GRIK4: variants seen among roughly 807,000 people sequenced by gnomAD.
GRIK4 encodes glutamate ionotropic receptor kainate type subunit 4, also known as glutamate receptor ionotropic, kainate 4.
Under a neutral mutation model 104.9 loss-of-function variants are expected in GRIK4, and 40 were observed. The ratio of observed to expected loss-of-function variants is 0.38; its 90% CI spans 0.30 to 0.50. The LOEUF (loss-of-function observed/expected upper bound fraction) is 0.50. GRIK4 is among the 20% of genes least tolerant of loss of function. The pLI is 0.93. For synonymous variants in GRIK4, 485 were observed against 524.9 expected, an observed-to-expected ratio of 0.92 and a Z score of 1.04; for missense variants, 1,047 against 1,308.1, an observed-to-expected ratio of 0.80 and a Z score of 3.08.
rs150971598 is a variant in GRIK4, at chr11:120,624,393, C to T, written c.-158-29292C>T. The stretch of plus-strand genomic sequence containing the variant: ...CTCCCTGTAACCAGATGTAGAGGTC[C>T]TGGCCCCAAAGCTAGGCTCTAGCTG... On this transcript the variant is annotated intron_variant, in intron 1 of 20. Coordinates refer to ENST00000527524, the MANE Select transcript of GRIK4 (RefSeq NM_014619.5). Among the ~76,000 whole-genome samples the T allele has an allele frequency of 1.9e-3, 285 of 152,188 alleles. 2 individuals carry two copies. The South Asian group carries it at 0.028, about 15-fold the overall frequency.
At chr11:120,815,508 G>A in intron 5 of GRIK4, 33 bp downstream of exon 5, 1 of 1,294,360 alleles carries the variant, frequency 7.7e-7, no homozygotes, top group Non-Finnish European at 1.1e-6. Flanking sequence ...GAATATCTGT[G>A]TGCTGGAGCC....
chr11:120,591,094 A>G (rs1443474514), intron 1 of GRIK4, among the ~76,000 whole-genome samples: 1 of 152,098 alleles, frequency 6.6e-6, no homozygotes, highest in East Asian at 1.9e-4. Context: ...AAGTCACCAT[A>G]CTGCGCGATC....
intron 6 of GRIK4, among the ~76,000 whole-genome samples, chr11:120,829,202 T>C (rs963184299): frequency 6.6e-6 from 1 of 152,154 alleles, no homozygotes; most frequent in Admixed American, 6.5e-5. Context: ...AGGAGATAGC[T>C]GAGACTCCAG....
At chr11:120,966,490 G>A (rs1944385888) in intron 18 of GRIK4, among the ~76,000 whole-genome samples, 1 of 152,158 alleles carries the variant, frequency 6.6e-6, no homozygotes, top group Admixed American at 6.5e-5. Flanking sequence ...TTCTGTCTCA[G>A]CCTCCTGAGC....
intron 12 of GRIK4, among the ~76,000 whole-genome samples, chr11:120,900,777 T>C (rs182050191): frequency 2.0e-5 from 3 of 152,270 alleles, no homozygotes; most frequent in Admixed American, 2.0e-4. Context: ...GAGAGAGCAG[T>C]TCCAGCCCCC....
chr11:120,629,249 C>A (rs533624832), intron 1 of GRIK4, among the ~76,000 whole-genome samples: 1 of 152,238 alleles, frequency 6.6e-6, no homozygotes, highest in African/African-American at 2.4e-5. Flanking sequence ...CCTGTCTATA[C>A]CATGAAATAT....
chr11:120,609,541 T>G (rs2135144843), intron 1 of GRIK4, among the ~76,000 whole-genome samples: 1 of 75,716 alleles, frequency 1.3e-5, no homozygotes, highest in Non-Finnish European at 2.6e-5. Context: ...TTTTTTTTTT[T>G]TTTGAGACAG....
chr11:120,620,393 C>A, intron 1 of GRIK4: 1 of 545,458 alleles, frequency 1.8e-6, no homozygotes, highest in Non-Finnish European at 3.3e-6. Context: ...CCATGTACTG[C>A]CCCGTAGCTA....
At chr11:120,599,326 A>G (rs1948849180) in intron 1 of GRIK4, among the ~76,000 whole-genome samples, 2 of 152,158 alleles carry the variant, frequency 1.3e-5, no homozygotes, top group South Asian at 4.1e-4. Context: ...CCTGGAGTGC[A>G]TGTTTGGAGT....
chr11:120,952,941 C>T lies in GRIK4; in HGVS notation c.1677C>T (p.Ser559=). ...LFMLLAYLAV[S]CVLFLVARLT... The stretch of plus-strand genomic sequence containing the variant: ...TGCTTCTAGCCTATCTGGCCGTCAG[C>T]TGTGTCCTCTTCCTGGTGGCTCGGT... The change falls in exon 15 of 21, where the codon AGC becomes AGT. Residue 559 remains serine, a synonymous_variant. Coordinates refer to ENST00000527524, the MANE Select transcript of GRIK4 (RefSeq NM_014619.5). This position sits in a 1 kb window ranked among gnomAD's most constrained non-coding sequence, Gnocchi z 5.2. 6.2e-7 allele frequency: 1 copy of T among 1,612,728 alleles called. No homozygotes were observed. Among genetic ancestry groups the T allele is most frequent in the African/African-American group, 1.3e-5 (1 of 74,932 alleles).
intron 1 of GRIK4, among the ~76,000 whole-genome samples, chr11:120,553,473 G>A (rs1220876384): frequency 6.6e-6 from 1 of 152,208 alleles, no homozygotes; most frequent in Non-Finnish European, 1.5e-5. Flanking sequence ...CTAGAGTGAA[G>A]AAGGAAAGGG....
intron 13 of GRIK4, among the ~76,000 whole-genome samples, chr11:120,912,536 C>T (rs1379311370): frequency 6.6e-6 from 1 of 152,136 alleles, no homozygotes; most frequent in Non-Finnish European, 1.5e-5. Flanking sequence ...CCAGGCTGAG[C>T]AATACGGGGG....
intron 18 of GRIK4, among the ~76,000 whole-genome samples, chr11:120,964,516 G>A (rs985725757): frequency 1.7e-4 from 26 of 152,080 alleles, no homozygotes; most frequent in African/African-American, 5.6e-4. Context: ...AGATATACTC[G>A]CTGACATTTT....
intron 7 of GRIK4, 63 bp downstream of exon 7, chr11:120,832,093 A>G: frequency 8.3e-7 from 1 of 1,200,332 alleles, no homozygotes; most frequent in South Asian, 1.4e-5. Flanking sequence ...CCTTGCCTTG[A>G]GGGTCCTCCT....
chr11:120,600,744 G>A (rs1948873602), intron 1 of GRIK4, among the ~76,000 whole-genome samples: 2 of 152,200 alleles, frequency 1.3e-5, no homozygotes, highest in Admixed American at 1.3e-4. Flanking sequence ...TTCTCAAAGA[G>A]GTCAGTGACC....
chr11:120,725,652 T>A (rs953321366), intron 3 of GRIK4, among the ~76,000 whole-genome samples: 33 of 152,152 alleles, frequency 2.2e-4, no homozygotes, highest in Admixed American at 1.1e-3. Context: ...ATTCTTTTCT[T>A]GAGAGCCCTG....
intron 6 of GRIK4, among the ~76,000 whole-genome samples, chr11:120,830,850 T>G (rs1013235271): frequency 1.1e-4 from 16 of 152,070 alleles, no homozygotes; most frequent in African/African-American, 3.6e-4. Context: ...CTCTGCCTCC[T>G]GCACCCCCAC....
chr11:120,514,276 A>G (rs1290284083), intron 1 of GRIK4, among the ~76,000 whole-genome samples: 1 of 152,132 alleles, frequency 6.6e-6, no homozygotes, highest in Non-Finnish European at 1.5e-5. Context: ...AGCATTCCAG[A>G]TGCCTCTCAG....
At chr11:120,765,940 C>G (rs532715643) in intron 3 of GRIK4, among the ~76,000 whole-genome samples, 2 of 152,362 alleles carry the variant, frequency 1.3e-5, no homozygotes, top group South Asian at 4.1e-4. Context: ...CAGGGACACA[C>G]TTGAGAAGGC....
Sources: gnomAD v4.1 joint callset for allele counts (sites outside exome capture counted in the v4.1 genomes callset) on GRCh38, gnomAD v4.1.1 for gene constraint, Gnocchi (gnomAD v3.1) non-coding constraint, MANE v1.5 for transcripts, NCBI Gene and HGNC (gene_info 2026-07-23, HGNC 2026-07-21) for gene names.